The following PNLDC1 variants were observed in gnomAD, a reference collection of about 807,000 sequenced individuals.
PNLDC1 encodes the protein PARN like ribonuclease domain containing exonuclease 1, also known as poly(A)-specific ribonuclease PNLDC1.
PNLDC1 carries 70 observed loss-of-function variants against 82.0 expected under a neutral mutation model. That is an observed-to-expected ratio of 0.85 (90% CI 0.70 to 1.04). The LOEUF (loss-of-function observed/expected upper bound fraction) is 1.04. Among genes scored for constraint, PNLDC1 ranks in the 50% least tolerant of loss-of-function variants. The pLI is 0.00. For missense variants in PNLDC1, 631 were observed against 661.1 expected, an observed-to-expected ratio of 0.95 and a Z score of 0.50; for synonymous variants, 280 against 249.3, an observed-to-expected ratio of 1.12 and a Z score of -1.16.
In PNLDC1 at chr6:159,819,389, G is replaced by C. The variant is rs752699396; in HGVS notation, c.1532+37G>C. ...GCTGAGGCCACCTGCCTGTCCTGGG[G>C]TCCTGGAGTGCCCGGGGTCCCAGCA... is the stretch of plus-strand genomic sequence containing the variant. On this transcript the variant is annotated intron_variant, in intron 18 of 18. Transcript: ENST00000392167. The surrounding 1 kb of genome is among the most constrained non-coding windows in gnomAD (Gnocchi z 4.6). 17 of 1,579,112 alleles carry C rather than the reference G, an allele frequency of 1.1e-5. No individual in the cohort carries two copies. The highest frequency in any genetic ancestry group is 1.5e-5 in the Non-Finnish European group (17 of 1,154,504).
Position 159,819,251 on chromosome 6 carries a change from C to T in PNLDC1, c.1434-3C>T. 6 of 1,613,666 alleles carry T rather than the reference C, an allele frequency of 3.7e-6. No homozygotes were observed. Among genetic ancestry groups the T allele is most frequent in the African/African-American group, 1.3e-5 (1 of 75,026 alleles). On this transcript the variant is annotated splice_region_variant and splice_polypyrimidine_tract_variant and intron_variant, in intron 17 of 18. Coordinates refer to ENST00000392167, the MANE Select transcript of PNLDC1 (RefSeq NM_001271862.2). This position sits in a 1 kb window ranked among gnomAD's most constrained non-coding sequence, Gnocchi z 4.6. Reference sequence around the variant, plus strand: ...GCTGACCACAGCAAACTTGTTTTGGCAGTGCGCGGAACATCCTGAAGGAGT... The same window carrying T: ...GCTGACCACAGCAAACTTGTTTTGGTAGTGCGCGGAACATCCTGAAGGAGT...
At chr6:159,817,243 T>C in intron 15 of PNLDC1, 92 bp downstream of exon 15, 1 of 1,194,628 alleles carries the variant, frequency 8.4e-7, no homozygotes, top group Non-Finnish European at 1.2e-6. Context: ...AGTCCCAGGG[T>C]TCTACCAAAG....
At chr6:159,810,793 G>A (rs1476918858) in intron 10 of PNLDC1, among the ~76,000 whole-genome samples, 1 of 152,142 alleles carries the variant, frequency 6.6e-6, no homozygotes, top group Non-Finnish European at 1.5e-5. Context: ...GATTACGAGG[G>A]GTAAGAAAGT....
intron 3 of PNLDC1, among the ~76,000 whole-genome samples, chr6:159,801,662 T>C (rs1478780193): frequency 6.6e-6 from 1 of 151,876 alleles, no homozygotes; most frequent in Non-Finnish European, 1.5e-5. Context: ...GCCAGGCTGT[T>C]CTTGACTTCC....
chr6:159,809,451 ATTTTTTTTTT>A (rs71904720), intron 9 of PNLDC1, among the ~76,000 whole-genome samples: 70 of 138,630 alleles, frequency 5.0e-4, no homozygotes, highest in Admixed American at 7.0e-4. Flanking sequence ...TACCTGGCTA[ATTTTTTTTTT>A]TTTTTTTTTT....
chr6:159,817,677 C>T (rs2038819), intron 15 of PNLDC1, among the ~76,000 whole-genome samples: 37,867 of 152,180 alleles, frequency 0.25, 4,929 homozygotes, highest in Middle Eastern at 0.3. Flanking sequence ...ACGTAGGCAC[C>T]AGAAACACAT....
In PNLDC1 at chr6:159,817,000, G is replaced by A. The variant is rs375228063; in HGVS notation, c.1115-109G>A. 69 of 1,167,760 alleles carry A rather than the reference G, an allele frequency of 5.9e-5. 1 individual carries two copies. The highest frequency in any genetic ancestry group is 2.3e-4 in the Admixed American group (13 of 57,362). The allele number at this position is 1,167,760 out of a possible 1,614,324, so 72.3% of individuals were successfully genotyped here. On this transcript the variant is annotated intron_variant, in intron 14 of 18. Coordinates refer to ENST00000392167, the MANE Select transcript of PNLDC1 (RefSeq NM_001271862.2). ...TTTTTGTTGGCAGTATGCCCCTGCC[G>A]TCCCTAGATTCTACATTTATTTCAG...
chr6:159,800,508 G>T, intron 1 of PNLDC1, 125 bp downstream of exon 1: 2 of 1,319,570 alleles, frequency 1.5e-6, no homozygotes. Flanking sequence ...AAGGACAGGG[G>T]GGCTTCCTTC....
intron 6 of PNLDC1, 198 bp from the exon 7 acceptor site, chr6:159,805,785 T>C (rs1284849937): frequency 1.8e-6 from 1 of 570,278 alleles, no homozygotes; most frequent in African/African-American, 1.9e-5. Context: ...CTATGGAAGG[T>C]TGTGGGCTAT....
Position 159,806,091 on chromosome 6 carries a change from G to C in PNLDC1, c.562+8G>C. 11 of 1,609,254 alleles carry C rather than the reference G, an allele frequency of 6.8e-6. No homozygotes were observed. The highest frequency in any genetic ancestry group is 9.4e-6 in the Non-Finnish European group (11 of 1,175,644). On this transcript the variant is annotated splice_region_variant and intron_variant, in intron 7 of 18. Coordinates refer to ENST00000392167, the MANE Select transcript of PNLDC1 (RefSeq NM_001271862.2). The stretch of plus-strand genomic sequence containing the variant: ...CTCTTCCTGGGATCACTGGTAGGCA[G>C]GGCCTGTTCCTCCCAACGCAGGAGC...
chr6:159,813,264 A>G (rs1036710022), intron 11 of PNLDC1, among the ~76,000 whole-genome samples: 6 of 152,168 alleles, frequency 3.9e-5, no homozygotes, highest in Non-Finnish European at 7.4e-5. Flanking sequence ...AGGCCTTAGA[A>G]TGCCTGTATG....
At chr6:159,808,665 C>G in intron 7 of PNLDC1, 75 bp from the exon 8 acceptor site, 1 of 1,375,456 alleles carries the variant, frequency 7.3e-7, no homozygotes. Flanking sequence ...AGCTTCTGCT[C>G]CTCCAGGGCT....
Position 159,801,220 on chromosome 6 carries a change from G to A in PNLDC1, c.208+34G>A, listed in dbSNP as rs1781242493. On this transcript the variant is annotated intron_variant, in intron 3 of 18. Transcript: ENST00000392167. ...AATATCAGCTGTTAGAGTTTTTCAA[G>A]AAGGTATTTTTATTGTCCTTGGATT... 1.9e-6 allele frequency: 3 copies of A among 1,585,932 alleles called. No individual in the cohort carries two copies. In the East Asian group the frequency reaches 6.7e-5, roughly 35 times the overall value.
In PNLDC1 at chr6:159,800,388, A is replaced by T. The variant is rs1288261960; in HGVS notation, c.76+5A>T. 5 of 1,547,610 alleles carry T rather than the reference A, an allele frequency of 3.2e-6. No individual in the cohort carries two copies. The highest frequency in any genetic ancestry group is 4.4e-6 in the Non-Finnish European group (5 of 1,146,194). ...TCCAGGAGGCCGACTTCGTGGGTGA[A>T]GAGCCTGGGATTCGCGGCTGTGCCG... On this transcript the variant is annotated splice_donor_5th_base_variant and intron_variant, in intron 1 of 18. Transcript: ENST00000392167.
At chr6:159,817,854 C>A (rs1296262730) in intron 15 of PNLDC1, among the ~76,000 whole-genome samples, 1 of 152,210 alleles carries the variant, frequency 6.6e-6, no homozygotes, top group African/African-American at 2.4e-5. Context: ...CTATATTTGT[C>A]CATTTTAGCA....
upstream of PNLDC1, chr6:159,800,267 G>T: frequency 7.2e-7 from 1 of 1,381,810 alleles, no homozygotes; most frequent in Non-Finnish European, 9.8e-7. Context: ...CACGTGGGCA[G>T]CACGTGATAG....
rs1210819227 is a variant in PNLDC1 at position 159,817,125 on chromosome 6, A to G, written c.1131A>G (p.Ala377=). ...CCTTCCTAGTTCTTTTGAAAGTGGC[A>G]CACTTGCTTCTACAGAAGATATACC... The part of the protein sequence containing the change: ...FLCGSVLLKV[A]HLLLQKIYHI... The change falls in exon 15 of 19, where the codon GCA becomes GCG. Residue 377 remains alanine, a synonymous_variant. Coordinates refer to ENST00000392167, the MANE Select transcript of PNLDC1 (RefSeq NM_001271862.2). 6.2e-7 allele frequency: 1 copy of G among 1,612,524 alleles called. No individual in the cohort carries two copies. Among genetic ancestry groups the G allele is most frequent in the African/African-American group, 1.3e-5 (1 of 74,996 alleles).
At chr6:159,808,985 G>C (rs1237573467) in intron 8 of PNLDC1, 30 bp from the exon 9 acceptor site, 3 of 1,608,406 alleles carry the variant, frequency 1.9e-6, no homozygotes, top group Non-Finnish European at 1.7e-6. Context: ...TAGTAACCCA[G>C]GATTCAGGGA....
intron 4 of PNLDC1, 138 bp from the exon 5 acceptor site, chr6:159,803,827 C>T (rs1305734191): frequency 4.1e-6 from 4 of 975,492 alleles, no homozygotes; most frequent in Non-Finnish European, 6.0e-6. Context: ...CCAATCATAG[C>T]TCCTGAAACA....
Sources: gnomAD v4.1 joint callset for allele counts (sites outside exome capture counted in the v4.1 genomes callset) on GRCh38, gnomAD v4.1.1 for gene constraint, Gnocchi (gnomAD v3.1) non-coding constraint, MANE v1.5 for transcripts, NCBI Gene and HGNC (gene_info 2026-07-23, HGNC 2026-07-21) for gene names.